The following POU2F3 variants were observed in gnomAD, a reference collection of about 807,000 sequenced individuals.
The protein encoded by POU2F3 is POU class 2 homeobox 3, also known as POU domain, class 2, transcription factor 3.
In POU2F3, 23 loss-of-function variants were observed where a neutral mutation model predicts 59.2. The ratio of observed to expected loss-of-function variants is 0.39; its 90% CI spans 0.28 to 0.55. The LOEUF (loss-of-function observed/expected upper bound fraction) is 0.55, where lower values mean the gene tolerates loss of function less well. POU2F3 is among the 20% of genes least tolerant of loss of function. The pLI is 0.66. For missense variants in POU2F3, 473 were observed against 544.5 expected (o/e 0.87, Z 1.31); for synonymous variants, 190 against 214.6 (o/e 0.89, Z 1.00).
In POU2F3 at chr11:120,299,253, T is replaced by C. The variant is rs11217806; in HGVS notation, c.259-371T>C. The stretch of plus-strand genomic sequence containing the variant: ...GGCATGAGATTTAAAAAGAATTGGA[T>C]AGTTGGGGATTGCATGTTATCTCTA... On this transcript the variant is annotated intron_variant, in intron 4 of 12. Transcript: ENST00000543440. 0.032 allele frequency among the ~76,000 whole-genome samples: 4,943 copies of C among 152,260 alleles called. 1,244 individuals are homozygous for C. The East Asian group carries it at 0.65, about 20-fold the overall frequency.
At chr11:120,310,571 A>C (rs145287198) in intron 10 of POU2F3, among the ~76,000 whole-genome samples, 1 of 152,176 alleles carries the variant, frequency 6.6e-6, no homozygotes, top group Non-Finnish European at 1.5e-5. Context: ...TACCTTCTCC[A>C]TGCAGGGAGA....
intron 3 of POU2F3, among the ~76,000 whole-genome samples, chr11:120,276,193 G>A (rs1381854404): frequency 5.3e-5 from 8 of 152,178 alleles, no homozygotes; most frequent in Non-Finnish European, 8.8e-5. Context: ...GAGCCTGAGA[G>A]AGCAAGGGAG....
At chr11:120,237,121 C>T (rs1037228509), upstream of POU2F3, among the ~76,000 whole-genome samples, 2 of 152,172 alleles carry the variant, frequency 1.3e-5, no homozygotes, top group South Asian at 2.1e-4. Flanking sequence ...CTACTAGCTG[C>T]GTTTACTTCT....
chr11:120,317,238 C>T lies in POU2F3; in HGVS notation c.1145C>T (p.Ser382Phe). ...CTCTCCTTATCCTCAGTAACGTCATCCTGTTCCCCTGGGAACAACAGCAGG... is the reference window on the plus strand; with the variant it reads ...CTCTCCTTATCCTCAGTAACGTCATTCTGTTCCCCTGGGAACAACAGCAGG... ...HSTMPGTVTSSCSPGNNSRPS... is the reference protein window; with the variant it reads ...HSTMPGTVTSFCSPGNNSRPS... The change falls in exon 12 of 13, where the codon TCC (serine) becomes TTC (phenylalanine). Residue 382 changes from serine (S) to phenylalanine (F), a missense_variant. Transcript: ENST00000543440. 1 of 1,614,074 alleles carries T rather than the reference C, an allele frequency of 6.2e-7. No individual in the cohort carries two copies. The highest frequency in any genetic ancestry group is 8.5e-7 in the Non-Finnish European group (1 of 1,179,942).
At chr11:120,293,725 A>T (rs1941107843) in intron 3 of POU2F3, among the ~76,000 whole-genome samples, 1 of 151,978 alleles carries the variant, frequency 6.6e-6, no homozygotes, top group African/African-American at 2.4e-5. Flanking sequence ...TGTCATGGGG[A>T]GGGGGTTAAA....
At chr11:120,315,078 G>A (rs1476601915) in intron 10 of POU2F3, among the ~76,000 whole-genome samples, 1 of 152,236 alleles carries the variant, frequency 6.6e-6, no homozygotes, top group East Asian at 1.9e-4. Context: ...CTTCGGCTTG[G>A]CAGTGTCAAA....
chr11:120,271,211 G>C (rs1301643264), intron 3 of POU2F3, among the ~76,000 whole-genome samples: 1 of 152,174 alleles, frequency 6.6e-6, no homozygotes, highest in Non-Finnish European at 1.5e-5. Context: ...TTCAATTAAA[G>C]AGAGATCTAA....
intron 3 of POU2F3, among the ~76,000 whole-genome samples, chr11:120,295,131 C>A (rs1394645772): frequency 1.3e-5 from 2 of 152,088 alleles, no homozygotes; most frequent in Admixed American, 1.3e-4. Flanking sequence ...GGCAATTGAT[C>A]CAGGAAGCAG....
At chr11:120,298,080 C>T (rs1341258867) in intron 3 of POU2F3, among the ~76,000 whole-genome samples, 185 bp from the exon 4 acceptor site, 2 of 151,966 alleles carry the variant, frequency 1.3e-5, no homozygotes, top group Non-Finnish European at 2.9e-5. Context: ...AGGCCTCTGC[C>T]CAGCTGCCCT....
chr11:120,236,831 T>C, upstream of POU2F3: 7 of 959,320 alleles, frequency 7.3e-6, no homozygotes, highest in Non-Finnish European at 1.1e-5. Context: ...AGGTGGGACT[T>C]AGAGGGCACC....
At chr11:120,289,995 T>A (rs1019258930) in intron 3 of POU2F3, among the ~76,000 whole-genome samples, 1 of 152,200 alleles carries the variant, frequency 6.6e-6, no homozygotes, top group African/African-American at 2.4e-5. Context: ...TAAATGTTTG[T>A]TGGACTAAAC....
At chr11:120,262,920 CAT>C (rs1939658890) in intron 2 of POU2F3, among the ~76,000 whole-genome samples, 1 of 151,608 alleles carries the variant, frequency 6.6e-6, no homozygotes, top group Non-Finnish European at 1.5e-5. Context: ...AAATGCATAA[CAT>C]AAAATTTACT....
At chr11:120,317,030 A>G (rs912117182) in intron 11 of POU2F3, 199 bp from the exon 12 acceptor site, 4 of 621,238 alleles carry the variant, frequency 6.4e-6, no homozygotes, top group Non-Finnish European at 1.1e-5. Context: ...TGCAGAGAGC[A>G]TTTGTGACGA....
At chr11:120,305,301 G>T in intron 7 of POU2F3, 89 bp downstream of exon 7, 1 of 1,453,120 alleles carries the variant, frequency 6.9e-7, no homozygotes. Flanking sequence ...GCGACCAGAG[G>T]CTCGATGTGT....
In POU2F3 at chr11:120,240,166, T is replaced by G; in HGVS notation, c.-178T>G. 8.2e-7 allele frequency: 1 copy of G among 1,213,602 alleles called. No homozygotes were observed. The highest frequency in any genetic ancestry group is 4.2e-5 in the South Asian group (1 of 24,076). 75.2% of individuals were successfully genotyped at this position (1,213,602 alleles called of 1,614,324 possible). ...GTGTGGCAATCCTGGCGGCGCCGAG[T>G]GTTGCCCGGGCCGGAGCAGCGGAGC... On this transcript the variant is annotated 5_prime_UTR_variant, in exon 1 of 13. Coordinates refer to ENST00000543440, the MANE Select transcript of POU2F3 (RefSeq NM_014352.4).
intron 3 of POU2F3, among the ~76,000 whole-genome samples, chr11:120,288,643 G>A (rs182239935): frequency 1.3e-5 from 2 of 152,182 alleles, no homozygotes; most frequent in Admixed American, 1.3e-4. Flanking sequence ...AAATGTGTTT[G>A]AAAGTGCTTT....
chr11:120,308,769 C>T (rs974853615), intron 9 of POU2F3, among the ~76,000 whole-genome samples: 1 of 151,550 alleles, frequency 6.6e-6, no homozygotes, highest in African/African-American at 2.4e-5. Context: ...GAAACCCCAT[C>T]TCTACTTAAA....
At chr11:120,265,097 G>A (rs1211772826) in intron 2 of POU2F3, among the ~76,000 whole-genome samples, 2 of 152,160 alleles carry the variant, frequency 1.3e-5, no homozygotes, top group African/African-American at 2.4e-5. Context: ...GGCTGGGTGG[G>A]GAGAGCTGCT....
intron 3 of POU2F3, among the ~76,000 whole-genome samples, chr11:120,272,227 GAGA>G (rs1383466439): frequency 6.6e-6 from 1 of 152,184 alleles, no homozygotes; most frequent in Non-Finnish European, 1.5e-5. Flanking sequence ...GCCTTTTTCA[GAGA>G]AGGATTTGAG....
Sources: gnomAD v4.1 joint callset for allele counts (sites outside exome capture counted in the v4.1 genomes callset) on GRCh38, gnomAD v4.1.1 for gene constraint, MANE v1.5 for transcripts, NCBI Gene and HGNC (gene_info 2026-07-23, HGNC 2026-07-21) for gene names.